The following TBC1D24 variants were observed in gnomAD, a reference collection of about 807,000 sequenced individuals.
The protein encoded by TBC1D24 is TBC1 domain family member 24.
TBC1D24 carries 47 observed loss-of-function variants against 50.7 expected under a neutral mutation model. That is an observed-to-expected ratio of 0.93 (90% CI 0.73 to 1.18). The LOEUF (loss-of-function observed/expected upper bound fraction) is 1.18, where lower values mean the gene tolerates loss of function less well. TBC1D24 is among the 50% of genes most tolerant of loss of function. The probability of loss-of-function intolerance (pLI) is 0.00; values close to 1 mark genes in which losing one functional copy is unlikely to be tolerated. For missense variants in TBC1D24, 688 were observed against 766.5 expected (o/e 0.90, Z 1.21); for synonymous variants, 324 against 335.2 (o/e 0.97, Z 0.36).
At chr16:2,481,871 G>A (rs2065612920) in intron 1 of TBC1D24, 2 of 152,280 alleles carry the variant, frequency 1.3e-5, no homozygotes, top group Non-Finnish European at 1.5e-5. Context: ...CCATGGTGTG[G>A]TGACTAACAC....
At chr16:2,491,057 T>G (rs1414435231) in intron 1 of TBC1D24, among the ~76,000 whole-genome samples, 1 of 152,246 alleles carries the variant, frequency 6.6e-6, no homozygotes, top group Admixed American at 6.5e-5. Flanking sequence ...GGATAGTTTA[T>G]GTTTTTGATC....
rs980487608 is a variant in TBC1D24 at position 2,487,137 on chromosome 16, T to A, written c.-115-8897T>A. ...CGCCCAGCTCGCCTTCGCCCACTCT[T>A]GCCTCCACATCTGAGGGGCACCGTC... On this transcript the variant is annotated intron_variant, in intron 1 of 7. Coordinates refer to ENST00000646147, the MANE Select transcript of TBC1D24 (RefSeq NM_001199107.2). This position sits in a 1 kb window ranked among gnomAD's most constrained non-coding sequence, Gnocchi z 4.1. 2.0e-5 allele frequency among the ~76,000 whole-genome samples: 3 copies of A among 152,220 alleles called. No homozygotes were observed. The highest frequency in any genetic ancestry group is 7.2e-5 in the African/African-American group (3 of 41,464).
At chr16:2,495,693 C>A (rs186292953) in intron 1 of TBC1D24, among the ~76,000 whole-genome samples, 2 of 152,016 alleles carry the variant, frequency 1.3e-5, no homozygotes, top group East Asian at 3.9e-4. Flanking sequence ...TCTGGAGAAT[C>A]GCTTGAACCA....
At chr16:2,491,014 G>A (rs2065691050) in intron 1 of TBC1D24, among the ~76,000 whole-genome samples, 1 of 152,226 alleles carries the variant, frequency 6.6e-6, no homozygotes. Flanking sequence ...CCTCCAGAGT[G>A]TGGGCACTCA....
At position 2,497,064 on chromosome 16, in the gene TBC1D24, G is replaced by A. The variant is rs2141872755; in HGVS notation, c.916G>A (p.Ala306Thr). The part of the protein sequence containing the change: ...SRKEIQLLQM[A>T]NEKALKQKGI... ...CAAGGAGATCCAGCTCCTGCAGATG[G>A]CCAATGAGAAAGCCCTGAAGCAGAA... The change falls in exon 2 of 8, where the codon GCC becomes ACC. Residue 306 changes from alanine (A) to threonine (T), a missense_variant. Coordinates refer to ENST00000646147, the MANE Select transcript of TBC1D24 (RefSeq NM_001199107.2). 1.2e-6 allele frequency: 2 copies of A among 1,611,480 alleles called. No individual in the cohort carries two copies. Among genetic ancestry groups the A allele is most frequent in the African/African-American group, 1.3e-5 (1 of 75,062 alleles).
At chr16:2,491,232 C>T (rs1359152966) in intron 1 of TBC1D24, among the ~76,000 whole-genome samples, 3 of 152,156 alleles carry the variant, frequency 2.0e-5, no homozygotes, top group Admixed American at 2.0e-4. Context: ...TTAAACAGAA[C>T]TCTACATTTT....
chr16:2,496,549 T>C lies in TBC1D24; in HGVS notation c.401T>C (p.Leu134Pro), dbSNP rs2065741689. 4 of 1,608,558 alleles carry C rather than the reference T, an allele frequency of 2.5e-6. No individual in the cohort carries two copies. Among genetic ancestry groups the C allele is most frequent in the Non-Finnish European group, 3.4e-6 (4 of 1,179,976 alleles). ...CCCGACATCTCCTTCTGCCCCGCCCTGCCGGCCGTGGTGGCCCTGCTGCTG... is the reference window on the plus strand; with the variant it reads ...CCCGACATCTCCTTCTGCCCCGCCCCGCCGGCCGTGGTGGCCCTGCTGCTG... ...QFPDISFCPA[L>P]PAVVALLLHY... is the part of the protein sequence containing the mutation. Residue 134 changes from leucine to proline, a missense_variant, in exon 2 of 8, where the codon CTG becomes CCG. Physicochemically the swap from Leu to Pro is moderately conservative, Grantham distance 98 (BLOSUM62 -3). Coordinates refer to ENST00000646147, the MANE Select transcript of TBC1D24 (RefSeq NM_001199107.2).
chr16:2,497,653 T>A lies in TBC1D24; in HGVS notation c.966-57T>A, dbSNP rs1483015363. The A allele has an allele frequency of 3.3e-6, 5 of 1,518,370 alleles. No homozygotes were observed. In the Admixed American group the frequency reaches 9.8e-5, roughly 30 times the overall value. 94.1% of individuals were successfully genotyped at this position (1,518,370 alleles called of 1,614,324 possible). A position where few individuals can be genotyped will look rare whatever the true frequency, so the allele number is the denominator to read the frequency against. The stretch of plus-strand genomic sequence containing the variant: ...CGGGGGATCGGTACTCACACTAACC[T>A]CTCTTTGTCTGTTTTATTTTTCTTC... On this transcript the variant is annotated intron_variant, in intron 2 of 7. Transcript: ENST00000646147.
rs1332062808 is a variant in TBC1D24 at position 2,499,105 on chromosome 16, G to A, written c.1143-252G>A. On this transcript the variant is annotated intron_variant, in intron 4 of 7. Coordinates refer to ENST00000646147, the MANE Select transcript of TBC1D24 (RefSeq NM_001199107.2). This position sits in a 1 kb window ranked among gnomAD's most constrained non-coding sequence, Gnocchi z 4.0. ...TCTGGTTCCTGCTTCCCCAGCCCCTGGCGCTTGGCTCTGCACTGGGGCCTT... is the reference window on the plus strand; with the variant it reads ...TCTGGTTCCTGCTTCCCCAGCCCCTAGCGCTTGGCTCTGCACTGGGGCCTT... Among the ~76,000 whole-genome samples the A allele has an allele frequency of 6.6e-6, 1 of 152,206 alleles. No individual in the cohort carries two copies. The highest frequency in any genetic ancestry group is 1.5e-5 in the Non-Finnish European group (1 of 68,026).
intron 1 of TBC1D24, among the ~76,000 whole-genome samples, chr16:2,488,554 G>C (rs926187059): frequency 2.2e-5 from 3 of 138,860 alleles, no homozygotes; most frequent in Non-Finnish European, 3.0e-5. Flanking sequence ...CGCCAGGCTG[G>C]AGTGCAGTGT....
chr16:2,481,604 T>TTC (rs1331491898), intron 1 of TBC1D24: 1 of 152,264 alleles, frequency 6.6e-6, no homozygotes, highest in Non-Finnish European at 1.5e-5. Context: ...GGGGGTGTTT[T>TTC]TCCAGACCTG....
Position 2,501,010 on chromosome 16 carries a change from G to A in TBC1D24, c.*52G>A, listed in dbSNP as rs762846031. Reference sequence around the variant, plus strand: ...TGGTGGGGCGGTGGGCCGAGGCTGGGCTGCCGCCTCGGGCAGCAGAGAGCA... The same window carrying A: ...TGGTGGGGCGGTGGGCCGAGGCTGGACTGCCGCCTCGGGCAGCAGAGAGCA... On this transcript the variant is annotated 3_prime_UTR_variant, in exon 8 of 8. Coordinates refer to ENST00000646147, the MANE Select transcript of TBC1D24 (RefSeq NM_001199107.2). The A allele has an allele frequency of 3.8e-6, 6 of 1,599,612 alleles. No homozygotes were observed. Among genetic ancestry groups the A allele is most frequent in the Non-Finnish European group, 5.1e-6 (6 of 1,177,986 alleles).
intron 1 of TBC1D24, chr16:2,479,597 G>T (rs947967949): frequency 3.3e-5 from 5 of 152,328 alleles, no homozygotes; most frequent in Non-Finnish European, 7.3e-5. Flanking sequence ...AATGGATGAG[G>T]CCGGGGAAAG....
chr16:2,488,718 C>G (rs1158323656), intron 1 of TBC1D24, among the ~76,000 whole-genome samples: 1 of 148,094 alleles, frequency 6.8e-6, no homozygotes, highest in Non-Finnish European at 1.5e-5. Flanking sequence ...CCATGTTAGC[C>G]AGGATTACAG....
Position 2,483,792 on chromosome 16 carries a change from T to C in TBC1D24, c.-116+8622T>C, listed in dbSNP as rs1279533981. 4 of 152,454 alleles carry C rather than the reference T, an allele frequency of 2.6e-5. No homozygotes were observed. The highest frequency in any genetic ancestry group is 9.7e-5 in the African/African-American group (4 of 41,322). The allele number at this position is 152,454 out of a possible 1,614,324, so 9.4% of individuals were successfully genotyped here. A position where few individuals can be genotyped will look rare whatever the true frequency, so the allele number is the denominator to read the frequency against. The stretch of plus-strand genomic sequence containing the variant: ...GGTACGTTCGGGAGAGGATGAAGAC[T>C]TGGGAGTGGTGTGTTTGCTGTAGAC... On this transcript the variant is annotated intron_variant, in intron 1 of 7. Coordinates refer to ENST00000646147, the MANE Select transcript of TBC1D24 (RefSeq NM_001199107.2). The surrounding 1 kb of genome is among the most constrained non-coding windows in gnomAD (Gnocchi z 4.0).
chr16:2,491,800 G>A (rs545664733), intron 1 of TBC1D24, among the ~76,000 whole-genome samples: 2 of 152,072 alleles, frequency 1.3e-5, no homozygotes, highest in Admixed American at 1.3e-4. Context: ...TGATCCACCT[G>A]CCTCGGCCTC....
intron 1 of TBC1D24, among the ~76,000 whole-genome samples, chr16:2,489,575 C>T (rs2065679711): frequency 6.6e-6 from 1 of 152,144 alleles, no homozygotes; most frequent in South Asian, 2.1e-4. Context: ...GAGAGGCTTC[C>T]CGGGTGAGAA....
At chr16:2,492,549 A>G (rs1224524859) in intron 1 of TBC1D24, among the ~76,000 whole-genome samples, 1 of 152,150 alleles carries the variant, frequency 6.6e-6, no homozygotes, top group Non-Finnish European at 1.5e-5. Context: ...GTTCCTCCAG[A>G]GGCTAGTGGG....
intron 1 of TBC1D24, among the ~76,000 whole-genome samples, chr16:2,494,537 C>G (rs1362078993): frequency 2.6e-5 from 4 of 152,104 alleles, no homozygotes; most frequent in Admixed American, 6.6e-5. Flanking sequence ...TGGAGTGGAC[C>G]ATGCTCGAGT....
Sources: allele counts gnomAD v4.1 joint callset (sites outside exome capture counted in the v4.1 genomes callset), GRCh38; gene constraint gnomAD v4.1.1; non-coding constraint Gnocchi (gnomAD v3.1); transcripts MANE v1.5; gene names NCBI Gene and HGNC (gene_info 2026-07-23, HGNC 2026-07-21).